Variants in MECOM observed in about 807,000 individuals in gnomAD.
MECOM encodes histone-lysine N-methyltransferase MECOM.
In MECOM, 13 loss-of-function variants were observed where a neutral mutation model predicts 116.3. That is an observed-to-expected ratio of 0.11 (90% CI 0.07 to 0.18). The LOEUF is 0.18. Among genes scored for constraint, MECOM ranks in the 10% least tolerant of loss-of-function variants. The pLI is 1.00. For missense variants in MECOM, 1,299 were observed against 1,509.0 expected (o/e 0.86, Z 2.31); for synonymous variants, 528 against 535.2 (o/e 0.99, Z 0.19).
rs574476520 is a variant in MECOM, at chr3:169,341,367, G to C, written c.375+39820C>G. 2.0e-5 allele frequency among the ~76,000 whole-genome samples: 3 copies of C among 149,124 alleles called. No individual in the cohort carries two copies. The East Asian group carries it at 6.0e-4, about 30-fold the overall frequency. ...CAAAACAATTGAACTCATGGACTTA[G>C]AGAGTAGAGGCCGGCAAGGGTAGTG... On this transcript the variant is annotated intron_variant, in intron 2 of 16. Transcript: ENST00000651503.
At chr3:169,363,560 C>G (rs1728665697) in intron 2 of MECOM, among the ~76,000 whole-genome samples, 1 of 151,890 alleles carries the variant, frequency 6.6e-6, no homozygotes, top group Admixed American at 6.6e-5. Flanking sequence ...GAGTCCTGGG[C>G]TTCCTGAACT....
At chr3:169,103,853 C>T (rs1439672253) in intron 10 of MECOM, among the ~76,000 whole-genome samples, 2 of 152,156 alleles carry the variant, frequency 1.3e-5, no homozygotes, top group South Asian at 2.1e-4. Context: ...CTTCAAGTGA[C>T]TATTCATGTT....
intron 1 of MECOM, among the ~76,000 whole-genome samples, chr3:169,650,980 A>G (rs999868455): frequency 6.6e-6 from 1 of 152,220 alleles, no homozygotes; most frequent in Non-Finnish European, 1.5e-5. Flanking sequence ...AAGTTTAAAA[A>G]AAGAAAAAGC....
Position 169,090,047 on chromosome 3 carries a change from A to G in MECOM, c.3354T>C (p.Tyr1118=), listed in dbSNP as rs761930526. ...NLHEGNPEDD[Y]EETSALEMSC... ...TCATCTCCAGGGCACTGGTTTCTTC[A>G]TAGTCATCCTCAGGGTTTCCTTCAT... Residue 1118 remains tyrosine (Y), a synonymous_variant, in exon 15 of 17, where the codon TAT becomes TAC. Coordinates refer to ENST00000651503, the MANE Select transcript of MECOM (RefSeq NM_004991.4). 4 of 1,613,490 alleles carry G rather than the reference A, an allele frequency of 2.5e-6. No individual in the cohort carries two copies. The African/African-American group carries it at 5.3e-5, about 22-fold the overall frequency.
At chr3:169,149,436 G>A in intron 2 of MECOM, 1 of 178,070 alleles carries the variant, frequency 5.6e-6, no homozygotes. Context: ...GGTGGGGGGA[G>A]GCGGAGCGAC....
intron 3 of MECOM, among the ~76,000 whole-genome samples, chr3:169,140,489 T>C (rs1737777851): frequency 6.6e-6 from 1 of 152,134 alleles, no homozygotes; most frequent in Admixed American, 6.6e-5. Flanking sequence ...AATAAAGATA[T>C]CAGTCAGAAG....
intron 1 of MECOM, among the ~76,000 whole-genome samples, chr3:169,556,789 T>C (rs721809): frequency 0.76 from 115,889 of 152,086 alleles, 45,090 homozygotes; most frequent in African/African-American, 0.92. Flanking sequence ...CTTGGAAGCA[T>C]ATGTTCCCCA....
chr3:169,210,350 AAAAC>A (rs1271765695), intron 2 of MECOM, among the ~76,000 whole-genome samples: 14 of 152,328 alleles, frequency 9.2e-5, no homozygotes, highest in Non-Finnish European at 1.9e-4. Flanking sequence ...AAGAAAAATA[AAAAC>A]AAACAAACAC....
chr3:169,613,801 T>A (rs1264983595), intron 1 of MECOM: 2 of 152,214 alleles, frequency 1.3e-5, no homozygotes, highest in Non-Finnish European at 2.9e-5. Flanking sequence ...ACTGGGTACC[T>A]GTTCTGTGCC....
chr3:169,524,097 G>A (rs1757703905), intron 1 of MECOM, among the ~76,000 whole-genome samples: 1 of 144,444 alleles, frequency 6.9e-6, no homozygotes, highest in South Asian at 2.2e-4. Context: ...AATTTAACTG[G>A]GCATTCTGAA....
chr3:169,411,366 C>T (rs994823347), intron 1 of MECOM, among the ~76,000 whole-genome samples: 4 of 152,168 alleles, frequency 2.6e-5, no homozygotes, highest in African/African-American at 9.7e-5. Flanking sequence ...TATAAAAGTA[C>T]TTTCTTGAAA....
At chr3:169,593,976 C>T (rs1201568264) in intron 1 of MECOM, among the ~76,000 whole-genome samples, 2 of 151,780 alleles carry the variant, frequency 1.3e-5, no homozygotes, top group African/African-American at 4.8e-5. Context: ...AAAAAATTAG[C>T]CGGGTGTGGT....
At chr3:169,265,118 C>A (rs891353143) in intron 2 of MECOM, among the ~76,000 whole-genome samples, 1 of 151,692 alleles carries the variant, frequency 6.6e-6, no homozygotes, top group African/African-American at 2.4e-5. Flanking sequence ...TTTTTTTTAA[C>A]CTTATCCATG....
At chr3:169,516,733 T>A (rs892906947) in intron 1 of MECOM, among the ~76,000 whole-genome samples, 2 of 152,182 alleles carry the variant, frequency 1.3e-5, no homozygotes, top group African/African-American at 4.8e-5. Flanking sequence ...GGATTTGCAA[T>A]AGTTTTATCT....
chr3:169,381,094 C>T (rs753319654), intron 2 of MECOM, 93 bp downstream of exon 2: 93 of 1,116,004 alleles, frequency 8.3e-5, no homozygotes, highest in Non-Finnish European at 1.2e-4. Flanking sequence ...CATATTGTAA[C>T]AAATATAATT....
At chr3:169,661,094 G>T (rs1776219688) in intron 1 of MECOM, among the ~76,000 whole-genome samples, 2 of 152,170 alleles carry the variant, frequency 1.3e-5, no homozygotes, top group African/African-American at 4.8e-5. Flanking sequence ...GTGCGTGCGG[G>T]AATATTTTAA....
rs1740648003 is a variant in MECOM at position 169,149,044 on chromosome 3, G to C, written c.376-5212C>G. 5.4e-5 allele frequency among the ~76,000 whole-genome samples: 8 copies of C among 147,548 alleles called. No homozygotes were observed. In the South Asian group the frequency reaches 1.7e-3, roughly 32 times the overall value. The stretch of plus-strand genomic sequence containing the variant: ...CCTGGTTCGTGGCCATTGATTTCCT[G>C]CCCTCCCTCAACTTGCCCATTGTCG... On this transcript the variant is annotated intron_variant, in intron 2 of 16. Transcript: ENST00000651503.
intron 1 of MECOM, among the ~76,000 whole-genome samples, chr3:169,576,625 A>T (rs983534612): frequency 6.6e-6 from 1 of 152,150 alleles, no homozygotes; most frequent in African/African-American, 2.4e-5. Flanking sequence ...ACTCTACCTC[A>T]TTCTCAATCA....
At chr3:169,495,902 A>T (rs7641666) in intron 1 of MECOM, among the ~76,000 whole-genome samples, 3,811 of 152,294 alleles carry the variant, frequency 0.025, 162 homozygotes, top group African/African-American at 0.087. Context: ...GAGCTGTGTC[A>T]TAAGACTGAT....
Sources: allele counts gnomAD v4.1 joint callset (sites outside exome capture counted in the v4.1 genomes callset), GRCh38; gene constraint gnomAD v4.1.1; transcripts MANE v1.5; gene names NCBI Gene and HGNC (gene_info 2026-07-23, HGNC 2026-07-21).